The following SAG variants were observed in gnomAD, a reference collection of about 807,000 sequenced individuals.
SAG encodes S-antigen visual arrestin.
Under a neutral mutation model 55.0 loss-of-function variants are expected in SAG, and 45 were observed. The ratio of observed to expected loss-of-function variants is 0.82; its 90% CI spans 0.64 to 1.05. SAG has a LOEUF of 1.05. Ranked by LOEUF, SAG falls within the 50% of genes least tolerant of loss-of-function variation. The pLI, the probability that SAG is intolerant of heterozygous loss-of-function variation, is 0.00. For missense variants in SAG, 455 were observed against 512.1 expected, an observed-to-expected ratio of 0.89 and a Z score of 1.08; for synonymous variants, 189 against 197.4, an observed-to-expected ratio of 0.96 and a Z score of 0.36.
rs571427699 is a variant in SAG at position 233,319,564 on chromosome 2, C to T, written c.181+769C>T. 1.3e-4 allele frequency: 124 copies of T among 986,700 alleles called. No homozygotes were observed. The highest frequency in any genetic ancestry group is 1.4e-4 in the Non-Finnish European group (118 of 831,392). The allele number at this position is 986,700 out of a possible 1,614,324, so 61.1% of individuals were successfully genotyped here. ...GAACCCTGGATGTGCCACTGGAATA[C>T]GTCAGCTATGGGGCCATCAGCATTG... On this transcript the variant is annotated intron_variant, in intron 4 of 15. Transcript: ENST00000409110. The surrounding 1 kb of genome is among the most constrained non-coding windows in gnomAD (Gnocchi z 4.4).
intron 2 of SAG, among the ~76,000 whole-genome samples, chr2:233,312,990 G>A (rs1700118567): frequency 6.6e-6 from 1 of 152,180 alleles, no homozygotes; most frequent in Admixed American, 6.5e-5. Flanking sequence ...ATTTTCAGTA[G>A]CCAGCAGCTG....
At chr2:233,330,728 C>T (rs943400574) in intron 9 of SAG, among the ~76,000 whole-genome samples, 4 of 151,976 alleles carry the variant, frequency 2.6e-5, no homozygotes, top group East Asian at 1.9e-4. Context: ...ATGGGGATTT[C>T]GCCATGTTGG....
chr2:233,322,992 A>C lies in SAG; in HGVS notation c.422A>C (p.Gln141Pro). 1 of 1,573,730 alleles carries C rather than the reference A, an allele frequency of 6.4e-7. No homozygotes were observed. Among genetic ancestry groups the C allele is most frequent in the Non-Finnish European group, 8.7e-7 (1 of 1,154,804 alleles). The change falls in exon 6 of 16, where the codon CAA (glutamine) becomes CCA (proline). Residue 141 changes from glutamine to proline, a missense_variant. Transcript: ENST00000409110. ...TCAGTGATGTTGCAGCCAGCTCCAC[A>C]AGATTCAGGGAAGGTTAGTTCAAGA... ...PCSVMLQPAP[Q>P]DSGKSCGVDF... is the part of the protein sequence containing the mutation.
At chr2:233,343,715 G>A in intron 14 of SAG, 19 of 1,213,320 alleles carry the variant, frequency 1.6e-5, no homozygotes, top group Non-Finnish European at 2.0e-5. Flanking sequence ...TAGTTGACGG[G>A]AAAGAAAAAC....
chr2:233,327,284 C>A (rs1700591611), intron 7 of SAG, 87 bp downstream of exon 7: 8 of 1,088,862 alleles, frequency 7.3e-6, no homozygotes, highest in South Asian at 6.4e-5. Flanking sequence ...GTGGGACAGA[C>A]CTCTTCCCAT....
rs3045566 is a variant in SAG, at chr2:233,340,751, TTGTG to T, written c.1046+289_1046+292del. On this transcript the variant is annotated intron_variant, in intron 13 of 15. Transcript: ENST00000409110. This position sits in a 1 kb window ranked among gnomAD's most constrained non-coding sequence, Gnocchi z 4.2. ...AACTGGCACACTCCATGCAGCCAGC[TTGTG>T]TGTGTGTGTGTGTGTTTGTGTGCGG... 4.0e-5 allele frequency among the ~76,000 whole-genome samples: 6 copies of T among 151,196 alleles called. No homozygotes were observed. Among genetic ancestry groups the T allele is most frequent in the South Asian group, 2.1e-4 (1 of 4,808 alleles).
chr2:233,317,729 T>C (rs1700249592), intron 3 of SAG, among the ~76,000 whole-genome samples: 1 of 152,234 alleles, frequency 6.6e-6, no homozygotes, highest in Non-Finnish European at 1.5e-5. Context: ...AGTGATTAAA[T>C]AATTTATGGT....
rs1700320250 is a variant in SAG at position 233,319,628 on chromosome 2, C to T, written c.181+833C>T. 1.0e-6 allele frequency: 1 copy of T among 986,482 alleles called. No individual in the cohort carries two copies. The highest frequency in any genetic ancestry group is 1.7e-5 in the African/African-American group (1 of 57,240). The allele number at this position is 986,482 out of a possible 1,614,324, so 61.1% of individuals were successfully genotyped here. A position where few individuals can be genotyped will look rare whatever the true frequency, so the allele number is the denominator to read the frequency against. On this transcript the variant is annotated intron_variant, in intron 4 of 15. Coordinates refer to ENST00000409110, the MANE Select transcript of SAG (RefSeq NM_000541.5). This position sits in a 1 kb window ranked among gnomAD's most constrained non-coding sequence, Gnocchi z 4.4. ...GAAATGGGGCCCCAAACGGCCCCCTCTGTCCTCTCCACCTTCCTCCTGGGT... is the reference window on the plus strand; with the variant it reads ...GAAATGGGGCCCCAAACGGCCCCCTTTGTCCTCTCCACCTTCCTCCTGGGT...
rs777937562 is a variant in SAG at position 233,329,535 on chromosome 2, A to G, written c.691A>G (p.Thr231Ala). 2 of 1,613,544 alleles carry G rather than the reference A, an allele frequency of 1.2e-6. No homozygotes were observed. The highest frequency in any genetic ancestry group is 2.2e-5 in the South Asian group (2 of 91,056). ...GCCCATCCCTGTGACCGTGACTGTC[A>G]CCAATAACACAGAGAAGACCGTGAA... ...GEPIPVTVTV[T>A]NNTEKTVKKI... Residue 231 changes from threonine (T) to alanine (A), a missense_variant, in exon 9 of 16, where the codon ACC becomes GCC. Transcript: ENST00000409110.
chr2:233,336,234 G>T (rs1700923065), intron 11 of SAG, among the ~76,000 whole-genome samples: 3 of 152,196 alleles, frequency 2.0e-5, no homozygotes, highest in Admixed American at 2.0e-4. Flanking sequence ...GTACGACTCG[G>T]CCGGCCATGA....
At chr2:233,336,072 A>G (rs1294641486) in intron 11 of SAG, among the ~76,000 whole-genome samples, 1 of 152,268 alleles carries the variant, frequency 6.6e-6, no homozygotes, top group Non-Finnish European at 1.5e-5. Flanking sequence ...GTTAGATTCT[A>G]AAGCACATTC....
chr2:233,340,521 T>C lies in SAG; in HGVS notation c.1046+43T>C, dbSNP rs752579159. The C allele has an allele frequency of 3.9e-6, 6 of 1,553,594 alleles. No individual in the cohort carries two copies. Among genetic ancestry groups the C allele is most frequent in the Admixed American group, 3.5e-5 (2 of 57,000 alleles). ...CCTTGTTTGATTGTTTCTCAAGATA[T>C]CAAAGGCAGCAAACTTGGGGCTCCA... On this transcript the variant is annotated intron_variant, in intron 13 of 15. Transcript: ENST00000409110. This position sits in a 1 kb window ranked among gnomAD's most constrained non-coding sequence, Gnocchi z 4.2.
At chr2:233,333,800 C>T (rs1700843758) in intron 10 of SAG, 1 of 152,212 alleles carries the variant, frequency 6.6e-6, no homozygotes, top group African/African-American at 2.4e-5. Context: ...AAATTACGCT[C>T]ATTAAGAGAG....
At chr2:233,337,751 G>A (rs749413230) in intron 11 of SAG, among the ~76,000 whole-genome samples, 11 of 151,964 alleles carry the variant, frequency 7.2e-5, no homozygotes, top group Admixed American at 2.0e-4. Flanking sequence ...TAGCCTTCAG[G>A]TTTCTTGGGC....
intron 7 of SAG, 89 bp from the exon 8 acceptor site, chr2:233,328,389 A>T: frequency 1.4e-6 from 2 of 1,466,772 alleles, no homozygotes; most frequent in Non-Finnish European, 9.3e-7. Flanking sequence ...TTCCTGGAGA[A>T]TCTCCATGTG....
intron 11 of SAG, among the ~76,000 whole-genome samples, chr2:233,335,858 T>C (rs1195273189): frequency 6.6e-6 from 1 of 152,204 alleles, no homozygotes; most frequent in Non-Finnish European, 1.5e-5. Flanking sequence ...CCTCCCCATG[T>C]GATATGCTGG....
At chr2:233,331,568 G>A in intron 9 of SAG, 72 bp from the exon 10 acceptor site, 1 of 946,562 alleles carries the variant, frequency 1.1e-6, no homozygotes, top group South Asian at 1.3e-5. Flanking sequence ...CGTGTACCCT[G>A]GGAGGCCGCA....
Position 233,327,225 on chromosome 2 carries a change from G to A in SAG, c.512+28G>A, listed in dbSNP as rs368331303. 1.5e-5 allele frequency: 24 copies of A among 1,580,530 alleles called. No homozygotes were observed. In the African/African-American group the frequency reaches 3.1e-4, roughly 20 times the overall value. ...AAGAGTATGGTTGCGGAATAGGTGA[G>A]GGGTCTGCGGTGGGGGTGGAGAGAA... is the stretch of plus-strand genomic sequence containing the variant. On this transcript the variant is annotated intron_variant, in intron 7 of 15. Coordinates refer to ENST00000409110, the MANE Select transcript of SAG (RefSeq NM_000541.5).
chr2:233,310,570 C>T (rs1053300479), intron 2 of SAG, among the ~76,000 whole-genome samples: 5 of 141,232 alleles, frequency 3.5e-5, no homozygotes, highest in African/African-American at 5.5e-5. Context: ...AGTGCAGTGG[C>T]GTGATCTCAG....
Sources: gnomAD v4.1 joint callset for allele counts (sites outside exome capture counted in the v4.1 genomes callset) on GRCh38, gnomAD v4.1.1 for gene constraint, Gnocchi (gnomAD v3.1) non-coding constraint, MANE v1.5 for transcripts, NCBI Gene and HGNC (gene_info 2026-07-23, HGNC 2026-07-21) for gene names.